The following SAMSN1 variants were observed in gnomAD, a reference collection of about 807,000 sequenced individuals.
SAMSN1 encodes SAM domain-containing protein SAMSN-1.
In SAMSN1, 31 loss-of-function variants were observed where a neutral mutation model predicts 42.0. The observed-to-expected ratio is 0.74, with a 90% CI of 0.55 to 1.00. SAMSN1 has a LOEUF of 1.00. Among genes scored for constraint, SAMSN1 ranks in the 50% least tolerant of loss-of-function variants. SAMSN1 has a pLI of 0.00. For synonymous variants in SAMSN1, 178 were observed against 151.9 expected (o/e 1.17, Z -1.26); for missense variants, 464 against 439.4 (o/e 1.06, Z -0.50).
chr21:14,583,298 A>C, intron 1 of SAMSN1: 1 of 170,768 alleles, frequency 5.9e-6, no homozygotes, highest in Non-Finnish European at 1.2e-5. Context: ...ATGAAAATCA[A>C]AGTTGCATGC....
At chr21:14,531,944 C>T (rs978433925) in intron 1 of SAMSN1, among the ~76,000 whole-genome samples, 21 of 152,182 alleles carry the variant, frequency 1.4e-4, no homozygotes, top group African/African-American at 5.1e-4. Flanking sequence ...CTGTGATCTC[C>T]TTGAACACAA....
chr21:14,631,514 C>T (rs548526420), intron 2 of SAMSN1, among the ~76,000 whole-genome samples: 1 of 152,046 alleles, frequency 6.6e-6, no homozygotes, highest in Non-Finnish European at 1.5e-5. Flanking sequence ...ATTACAGGTG[C>T]CCACCACCAC....
intron 1 of SAMSN1, among the ~76,000 whole-genome samples, chr21:14,539,782 G>A (rs1045785557): frequency 5.9e-5 from 9 of 152,044 alleles, no homozygotes; most frequent in South Asian, 2.1e-4. Flanking sequence ...CCACAGAATC[G>A]GAAAAAACTA....
intron 7 of SAMSN1, among the ~76,000 whole-genome samples, chr21:14,593,328 A>G (rs1167214637): frequency 1.3e-5 from 2 of 152,142 alleles, no homozygotes; most frequent in Admixed American, 6.5e-5. Context: ...TTCTGAAGCC[A>G]TCTAGAACAA....
chr21:14,613,672 C>G (rs919172353), intron 3 of SAMSN1, among the ~76,000 whole-genome samples: 1 of 151,958 alleles, frequency 6.6e-6, no homozygotes, highest in Non-Finnish European at 1.5e-5. Context: ...TGGCACATAG[C>G]AAGCATTCCA....
chr21:14,566,696 C>G (rs1165099858), intron 2 of SAMSN1, among the ~76,000 whole-genome samples: 1 of 152,064 alleles, frequency 6.6e-6, no homozygotes. Context: ...CACCAACATG[C>G]CTTGCTAATT....
intron 7 of SAMSN1, among the ~76,000 whole-genome samples, chr21:14,491,460 C>T (rs1452138055): frequency 3.3e-5 from 5 of 152,136 alleles, no homozygotes; most frequent in Admixed American, 2.6e-4. Context: ...TGAAAGCTAC[C>T]TTCCCTCTAC....
At chr21:14,569,994 C>G (rs201508461) in intron 2 of SAMSN1, among the ~76,000 whole-genome samples, 5 of 149,456 alleles carry the variant, frequency 3.3e-5, no homozygotes, top group Admixed American at 6.7e-5. Context: ...TCCCCCCCCC[C>G]AGTTTTTCAC....
chr21:14,619,586 C>A, intron 2 of SAMSN1: 1 of 207,776 alleles, frequency 4.8e-6, no homozygotes, highest in East Asian at 1.4e-4. Context: ...TCAACAAACA[C>A]TTATTGAACA....
In SAMSN1 at chr21:14,581,344, C is replaced by CTT. The variant is rs56728511; in HGVS notation, c.261+790_261+791dup. On this transcript the variant is annotated intron_variant, in intron 2 of 8. Coordinates refer to the SAMSN1 transcript ENST00000285670. ...TGTAAAATGAGGGGAAATAATATTT[C>CTT]TTTTTTTTTTTTTTTTTTTTTTTTT... Among the ~76,000 whole-genome samples the CTT allele has an allele frequency of 2.7e-3, 89 of 32,594 alleles. 20 individuals carry two copies. Among genetic ancestry groups the CTT allele is most frequent in the East Asian group, 0.014 (11 of 768 alleles). 21.4% of individuals were successfully genotyped at this position (32,594 alleles called of 152,430 possible).
intron 5 of SAMSN1, among the ~76,000 whole-genome samples, chr21:14,501,909 A>G (rs1048722442): frequency 5.3e-5 from 8 of 152,220 alleles, no homozygotes; most frequent in African/African-American, 1.9e-4. Flanking sequence ...GCTGCCAGTT[A>G]TTGGCAAGGG....
intron 5 of SAMSN1, among the ~76,000 whole-genome samples, chr21:14,508,586 G>A (rs1232609682): frequency 6.6e-6 from 1 of 152,152 alleles, no homozygotes; most frequent in Non-Finnish European, 1.5e-5. Context: ...ACTGAAAAAG[G>A]AACACTTCTA....
upstream of SAMSN1, among the ~76,000 whole-genome samples, chr21:14,583,942 CA>C (rs1981839526): frequency 6.6e-6 from 1 of 151,322 alleles, no homozygotes; most frequent in Admixed American, 6.6e-5. Context: ...TTTTTGGGTT[CA>C]AAATTATAAA....
At chr21:14,544,468 T>C (rs2123158240) in intron 1 of SAMSN1, among the ~76,000 whole-genome samples, 1 of 152,330 alleles carries the variant, frequency 6.6e-6, no homozygotes, top group East Asian at 1.9e-4. Flanking sequence ...ATCACTTCCA[T>C]GTTAAAAGGA....
intron 1 of SAMSN1, among the ~76,000 whole-genome samples, chr21:14,649,039 G>A (rs1461598369): frequency 6.6e-6 from 1 of 152,056 alleles, no homozygotes. Context: ...AACAATGATG[G>A]ACTGGATTAA....
chr21:14,652,652 A>G (rs76578159), intron 1 of SAMSN1, among the ~76,000 whole-genome samples: 13,705 of 152,110 alleles, frequency 0.09, 727 homozygotes, highest in Admixed American at 0.19. Context: ...GCAATTCCCC[A>G]CAACTATAGG....
At chr21:14,548,232 T>C (rs1390368413), upstream of SAMSN1, among the ~76,000 whole-genome samples, 2 of 152,168 alleles carry the variant, frequency 1.3e-5, no homozygotes, top group East Asian at 1.9e-4. Context: ...ACTTAGTACA[T>C]GGTAGAGTTT....
At chr21:14,620,888 T>G (rs1197299429) in intron 2 of SAMSN1, among the ~76,000 whole-genome samples, 1 of 152,210 alleles carries the variant, frequency 6.6e-6, no homozygotes, top group African/African-American at 2.4e-5. Flanking sequence ...CACATATAAA[T>G]TCCTATTAAA....
In SAMSN1 at chr21:14,516,939, T is replaced by G. The variant is rs1315558028; in HGVS notation, c.232A>C (p.Lys78Gln). The change falls in exon 3 of 8, where the codon AAG (lysine) becomes CAG (glutamine). Residue 78 changes from lysine to glutamine, a missense_variant. Transcript: ENST00000400566. ...ATGTACTTTTTACCCACTTTTTTCT[T>G]CATTGTCCATGAAATAGCTCTCATT... ...KKMRAISWTM[K>Q]KKVGKKYIKA... The G allele has an allele frequency of 6.2e-7, 1 of 1,613,152 alleles. No individual in the cohort carries two copies.
Sources: gnomAD v4.1 joint callset for allele counts (sites outside exome capture counted in the v4.1 genomes callset) on GRCh38, gnomAD v4.1.1 for gene constraint, MANE v1.5 for transcripts, NCBI Gene and HGNC (gene_info 2026-07-23, HGNC 2026-07-21) for gene names.